The following GRM7 variants were observed in gnomAD, a reference collection of about 807,000 sequenced individuals.
The protein encoded by GRM7 is metabotropic glutamate receptor 7.
In GRM7, 35 loss-of-function variants were observed where a neutral mutation model predicts 84.5. The observed-to-expected ratio is 0.41, with a 90% CI of 0.32 to 0.55. The LOEUF (loss-of-function observed/expected upper bound fraction) is 0.55, where lower values mean the gene tolerates loss of function less well. GRM7 is among the 20% of genes least tolerant of loss of function. The probability of loss-of-function intolerance (pLI) is 0.19; values close to 1 mark genes in which losing one functional copy is unlikely to be tolerated. For synonymous variants in GRM7, 487 were observed against 455.1 expected (o/e 1.07, Z -0.89); for missense variants, 1,003 against 1,194.6 (o/e 0.84, Z 2.36).
intron 2 of GRM7, among the ~76,000 whole-genome samples, chr3:7,184,513 A>T (rs1695449843): frequency 6.6e-6 from 1 of 152,160 alleles, no homozygotes; most frequent in African/African-American, 2.4e-5. Context: ...ACATTGTGGT[A>T]TATAGCTCTA....
At chr3:7,004,127 T>C (rs1388906822) in intron 1 of GRM7, among the ~76,000 whole-genome samples, 1 of 152,180 alleles carries the variant, frequency 6.6e-6, no homozygotes, top group Non-Finnish European at 1.5e-5. Flanking sequence ...TTATCTAACC[T>C]GATAAGTCAT....
At chr3:7,569,732 A>G (rs1277285859) in intron 7 of GRM7, among the ~76,000 whole-genome samples, 10 of 152,150 alleles carry the variant, frequency 6.6e-5, no homozygotes, top group Admixed American at 6.5e-4. Flanking sequence ...CACCAGAGGA[A>G]GGAACAACTC....
At chr3:7,000,479 G>A (rs1009499264) in intron 1 of GRM7, among the ~76,000 whole-genome samples, 2 of 152,042 alleles carry the variant, frequency 1.3e-5, no homozygotes, top group East Asian at 1.9e-4. Flanking sequence ...GAGCCACCTC[G>A]CCCGGGCGAG....
chr3:7,220,909 A>G (rs1324141839), intron 2 of GRM7, among the ~76,000 whole-genome samples: 1 of 152,150 alleles, frequency 6.6e-6, no homozygotes, highest in African/African-American at 2.4e-5. Flanking sequence ...CCTGAGCAAC[A>G]TGGTGAAACC....
At chr3:7,572,360 A>G (rs1694708945) in intron 7 of GRM7, among the ~76,000 whole-genome samples, 2 of 152,156 alleles carry the variant, frequency 1.3e-5, no homozygotes, top group South Asian at 4.1e-4. Flanking sequence ...AAGATCCCCA[A>G]GTAATTCAAA....
chr3:7,019,015 T>A (rs1695674907), intron 1 of GRM7, among the ~76,000 whole-genome samples: 1 of 152,178 alleles, frequency 6.6e-6, no homozygotes, highest in African/African-American at 2.4e-5. Flanking sequence ...GAGAAACGCT[T>A]GAACCCGGGA....
chr3:7,047,693 C>A (rs755090903), intron 1 of GRM7, among the ~76,000 whole-genome samples: 2 of 151,982 alleles, frequency 1.3e-5, no homozygotes, highest in Non-Finnish European at 2.9e-5. Context: ...CTGGATTCTA[C>A]GCAAAGAGTT....
intron 1 of GRM7, among the ~76,000 whole-genome samples, chr3:7,014,915 A>C (rs1695505320): frequency 6.6e-6 from 1 of 152,146 alleles, no homozygotes; most frequent in African/African-American, 2.4e-5. Context: ...CTAGGATTGT[A>C]AAACGCACTG....
intron 1 of GRM7, among the ~76,000 whole-genome samples, chr3:7,001,217 G>A (rs772368095): frequency 6.6e-6 from 1 of 152,132 alleles, no homozygotes; most frequent in Non-Finnish European, 1.5e-5. Flanking sequence ...GGGCATGGTG[G>A]TACATGCCTG....
At chr3:7,436,911 A>G (rs911965535) in intron 5 of GRM7, among the ~76,000 whole-genome samples, 4 of 138,526 alleles carry the variant, frequency 2.9e-5, no homozygotes, top group Non-Finnish European at 6.7e-5. Context: ...TTCTGGCCTC[A>G]GGTCTTTTAT....
rs1559478421 is a variant in GRM7, at chr3:7,162,728, C to CTTTTTTTT, written c.736+16060_736+16061insTTTTTTTT. ...GCAATCTCCCATTACTCCCATTTTT[C>CTTTTTTTT]ATTTTTTTTTTTTTTTTTTTTTTTT... On this transcript the variant is annotated intron_variant, in intron 2 of 9. Coordinates refer to ENST00000357716, the MANE Select transcript of GRM7 (RefSeq NM_000844.4). 8.8e-5 allele frequency among the ~76,000 whole-genome samples: 5 copies of CTTTTTTTT among 57,140 alleles called. 1 individual carries two copies. Among genetic ancestry groups the CTTTTTTTT allele is most frequent in the Admixed American group, 2.3e-4 (1 of 4,330 alleles). 37.5% of individuals were successfully genotyped at this position (57,140 alleles called of 152,430 possible).
chr3:7,469,194 A>G (rs539921364), intron 7 of GRM7, among the ~76,000 whole-genome samples: 1 of 152,280 alleles, frequency 6.6e-6, no homozygotes, highest in African/African-American at 2.4e-5. Context: ...GGATGAATGG[A>G]TCAGAGGATG....
intron 1 of GRM7, among the ~76,000 whole-genome samples, 160 bp from the exon 2 acceptor site, chr3:7,146,292 G>A (rs1015813536): frequency 6.6e-6 from 1 of 152,162 alleles, no homozygotes; most frequent in Non-Finnish European, 1.5e-5. Context: ...AGAAGTAGAT[G>A]GTTGCATTTA....
At chr3:7,457,061 A>G (rs713291) in intron 6 of GRM7, among the ~76,000 whole-genome samples, 53,759 of 152,024 alleles carry the variant, frequency 0.35, 10,964 homozygotes, top group Non-Finnish European at 0.48. Flanking sequence ...TTTCCAATCC[A>G]TTGTGAAAAA....
rs73809455 is a variant in GRM7 at position 7,601,683 on chromosome 3, G to A, written c.2451+22326G>A. On this transcript the variant is annotated intron_variant, in intron 8 of 9. Transcript: ENST00000357716. ...TCGTGTATAGGAAGTCAGGATTCAG[G>A]TTCTATGTGGTCAGTGTCTCCAGGA... Among the ~76,000 whole-genome samples, 286 of 152,202 alleles carry A rather than the reference G, an allele frequency of 1.9e-3. 1 individual carries two copies. The highest frequency in any genetic ancestry group is 6.5e-3 in the African/African-American group (269 of 41,536).
intron 1 of GRM7, among the ~76,000 whole-genome samples, chr3:7,102,914 A>T (rs1305864456): frequency 2.0e-5 from 3 of 150,296 alleles, no homozygotes; most frequent in African/African-American, 7.3e-5. Context: ...TTTTTCTTTT[A>T]TATAGTTTTA....
intron 1 of GRM7, among the ~76,000 whole-genome samples, chr3:7,015,805 T>C (rs774901469): frequency 4.6e-5 from 7 of 152,166 alleles, no homozygotes; most frequent in Non-Finnish European, 1.0e-4. Context: ...CTTCTCCCAT[T>C]GTAAGTGATG....
intron 2 of GRM7, among the ~76,000 whole-genome samples, chr3:7,185,707 C>T (rs1212144107): frequency 6.6e-6 from 1 of 152,160 alleles, no homozygotes; most frequent in African/African-American, 2.4e-5. Flanking sequence ...GCCTCCCATC[C>T]TGTGCACTAA....
intron 1 of GRM7, among the ~76,000 whole-genome samples, chr3:6,958,819 C>A (rs1256394540): frequency 6.6e-6 from 1 of 152,050 alleles, no homozygotes; most frequent in Non-Finnish European, 1.5e-5. Flanking sequence ...TCAAATAAAT[C>A]CAGGTACCAA....
Sources: gnomAD v4.1 joint callset for allele counts (sites outside exome capture counted in the v4.1 genomes callset) on GRCh38, gnomAD v4.1.1 for gene constraint, MANE v1.5 for transcripts, NCBI Gene and HGNC (gene_info 2026-07-23, HGNC 2026-07-21) for gene names.